The following VWDE variants were observed in gnomAD, a reference collection of about 807,000 sequenced individuals.
VWDE encodes von Willebrand factor D and EGF domain-containing protein.
Under a neutral mutation model 178.4 loss-of-function variants are expected in VWDE, and 207 were observed. The observed-to-expected ratio is 1.16, with a 90% CI of 1.04 to 1.30. The LOEUF (loss-of-function observed/expected upper bound fraction) is 1.30, where lower values mean the gene tolerates loss of function less well. Ranked by LOEUF, VWDE falls within the 50% of genes most tolerant of loss-of-function variation. The probability of loss-of-function intolerance (pLI) is 0.00; values close to 1 mark genes in which losing one functional copy is unlikely to be tolerated. For missense variants in VWDE, 2,287 were observed against 1,901.3 expected (o/e 1.20, Z -3.77); for synonymous variants, 738 against 651.4 (o/e 1.13, Z -2.02).
In VWDE at chr7:12,370,783, C is replaced by CTGT. The variant is rs748993987; in HGVS notation, c.1668_1669insACA (p.Val556_Asp557insThr). On this transcript the variant is annotated inframe_insertion, in exon 11 of 29. Coordinates refer to ENST00000275358, the MANE Select transcript of VWDE (RefSeq NM_001135924.3). ...CAAAGTCCCAGAGTGTTTCTGTAAT[C>CTGT]TACACTAGGGGCTCTGATCGTTAGA... 1.9e-6 allele frequency: 3 copies of CTGT among 1,551,166 alleles called. No homozygotes were observed. The South Asian group carries it at 3.6e-5, about 18-fold the overall frequency.
chr7:12,336,158 C>T lies in VWDE; in HGVS notation c.4637G>A (p.Gly1546Glu). The T allele has an allele frequency of 6.4e-7, 1 of 1,551,122 alleles. No individual in the cohort carries two copies. The highest frequency in any genetic ancestry group is 8.7e-7 in the Non-Finnish European group (1 of 1,146,822). ...GGGCTTACGTATTTGACACCGCACTCCTTCCCAGGAGGAAGGACAATGGCA... is the reference window on the plus strand; with the variant it reads ...GGGCTTACGTATTTGACACCGCACTTCTTCCCAGGAGGAAGGACAATGGCA... The part of the protein sequence containing the change: ...SICHCPSSWE[G>E]VRCQIPICNP... Residue 1546 changes from glycine to glutamate, a missense_variant, in exon 27 of 29, where the codon GGA becomes GAA. By Grantham distance (98) the Gly-to-Glu change is moderately conservative. Transcript: ENST00000275358.
Position 12,356,207 on chromosome 7 carries a change from C to T in VWDE, c.3649G>A (p.Val1217Met), listed in dbSNP as rs1273788840. The T allele has an allele frequency of 1.9e-6, 3 of 1,551,584 alleles. No individual in the cohort carries two copies. The highest frequency in any genetic ancestry group is 2.6e-6 in the Non-Finnish European group (3 of 1,146,950). ...LPGFHGSLCE[V>M]DISGCQSNPC... ...TTGGATTGGCACCCACTAATGTCCA[C>T]TTCACAAAGGCTGCCATGGAAGCCA... The change falls in exon 18 of 29, where the codon GTG (valine) becomes ATG (methionine). Residue 1217 changes from valine to methionine, a missense_variant. Transcript: ENST00000275358.
rs558322127 is a variant in VWDE, at chr7:12,379,283, T to G, written c.879+194A>C. 4.6e-5 allele frequency among the ~76,000 whole-genome samples: 7 copies of G among 151,260 alleles called. No individual in the cohort carries two copies. The East Asian group carries it at 1.4e-3, about 29-fold the overall frequency. On this transcript the variant is annotated intron_variant, in intron 6 of 28. Coordinates refer to ENST00000275358, the MANE Select transcript of VWDE (RefSeq NM_001135924.3). ...TAAAAAATGAAGGTACATCTCAACT[T>G]TAGTTAACAAGACCCCTCAAACTTT... is the stretch of plus-strand genomic sequence containing the variant.
chr7:12,343,278 A>C (rs1017864952), intron 21 of VWDE, 100 bp from the exon 22 acceptor site: 41 of 777,752 alleles, frequency 5.3e-5, no homozygotes, highest in Middle Eastern at 5.8e-4. Flanking sequence ...TGTAAGAGTA[A>C]TTTATAATAC....
chr7:12,335,320 G>T (rs1008195452), intron 27 of VWDE, among the ~76,000 whole-genome samples: 40 of 151,890 alleles, frequency 2.6e-4, no homozygotes, highest in African/African-American at 9.4e-4. Flanking sequence ...CATGAAATTT[G>T]ATCTTCCTCT....
At chr7:12,397,796 C>G (rs1161825246) in intron 1 of VWDE, among the ~76,000 whole-genome samples, 3 of 152,004 alleles carry the variant, frequency 2.0e-5, no homozygotes, top group Non-Finnish European at 4.4e-5. Flanking sequence ...AAATGGCCAA[C>G]AAACATGAGA....
intron 18 of VWDE, among the ~76,000 whole-genome samples, chr7:12,352,194 A>G (rs1781980497): frequency 6.6e-6 from 1 of 152,206 alleles, no homozygotes; most frequent in African/African-American, 2.4e-5. Flanking sequence ...TCAATCTGTT[A>G]TAGCAGCCCA....
intron 11 of VWDE, 23 bp downstream of exon 11, chr7:12,370,633 C>A: frequency 6.5e-7 from 1 of 1,546,772 alleles, no homozygotes. Context: ...AATATAATCG[C>A]AAGTGGAAAA....
At chr7:12,374,302 A>T (rs1190483437) in intron 9 of VWDE, among the ~76,000 whole-genome samples, 2 of 152,076 alleles carry the variant, frequency 1.3e-5, no homozygotes, top group Non-Finnish European at 2.9e-5. Context: ...TTAGTTTTAA[A>T]AATAATTCTA....
chr7:12,359,708 T>A lies in VWDE; in HGVS notation c.3160-16A>T. 2 of 1,490,972 alleles carry A rather than the reference T, an allele frequency of 1.3e-6. No homozygotes were observed. The highest frequency in any genetic ancestry group is 1.8e-6 in the Non-Finnish European group (2 of 1,104,108). 92.4% of individuals were successfully genotyped at this position (1,490,972 alleles called of 1,614,324 possible). On this transcript the variant is annotated splice_polypyrimidine_tract_variant and intron_variant, in intron 15 of 28. Transcript: ENST00000275358. ...AAACATTTTCCTAATGGAAAATTTT[T>A]AAAAAAGAAAACATCAAAGTACAGC...
intron 13 of VWDE, among the ~76,000 whole-genome samples, chr7:12,365,067 G>C (rs879904504): frequency 6.6e-6 from 1 of 151,940 alleles, no homozygotes; most frequent in African/African-American, 2.4e-5. Context: ...GAAAGATGGA[G>C]CACCGTCACA....
intron 15 of VWDE, among the ~76,000 whole-genome samples, chr7:12,359,998 C>G (rs1471328182): frequency 6.6e-6 from 1 of 152,042 alleles, no homozygotes; most frequent in Non-Finnish European, 1.5e-5. Flanking sequence ...CTAAACTCAT[C>G]CTAGGAGTGC....
intron 2 of VWDE, among the ~76,000 whole-genome samples, chr7:12,392,854 T>G (rs1784450817): frequency 6.6e-6 from 1 of 151,006 alleles, no homozygotes; most frequent in African/African-American, 2.4e-5. Context: ...TACAAAACCT[T>G]TTTAATTTTG....
intron 13 of VWDE, 63 bp from the exon 14 acceptor site, chr7:12,361,584 T>C: frequency 7.1e-7 from 1 of 1,399,182 alleles, no homozygotes; most frequent in Non-Finnish European, 9.5e-7. Context: ...TGTTAGTAAA[T>C]TACATATAAT....
At chr7:12,372,116 T>C (rs1783239205) in intron 10 of VWDE, among the ~76,000 whole-genome samples, 1 of 152,118 alleles carries the variant, frequency 6.6e-6, no homozygotes, top group South Asian at 2.1e-4. Context: ...AGGTTAAAGT[T>C]TTCATATTTT....
intron 4 of VWDE, among the ~76,000 whole-genome samples, chr7:12,381,615 A>C (rs967510765): frequency 1.3e-5 from 2 of 152,046 alleles, no homozygotes; most frequent in Non-Finnish European, 2.9e-5. Context: ...TTATAGTCCC[A>C]ATGACAAATG....
chr7:12,370,968 A>G, intron 10 of VWDE, 104 bp from the exon 11 acceptor site: 1 of 878,990 alleles, frequency 1.1e-6, no homozygotes, highest in Non-Finnish European at 1.6e-6. Context: ...TTATTCCCTC[A>G]ATATAAAAAA....
At chr7:12,391,254 T>C (rs1784377454) in intron 2 of VWDE, among the ~76,000 whole-genome samples, 1 of 152,214 alleles carries the variant, frequency 6.6e-6, no homozygotes, top group African/African-American at 2.4e-5. Flanking sequence ...TTTCCTAAGC[T>C]TTATGTAATG....
Position 12,393,798 on chromosome 7 carries a change from G to A in VWDE, c.59-20C>T. 1 of 1,512,984 alleles carries A rather than the reference G, an allele frequency of 6.6e-7. No homozygotes were observed. The highest frequency in any genetic ancestry group is 8.9e-7 in the Non-Finnish European group (1 of 1,129,424). The allele number at this position is 1,512,984 out of a possible 1,614,324, so 93.7% of individuals were successfully genotyped here. Reference sequence around the variant, plus strand: ...CCTGAGCTAGTATGGAAAGACAGGTGTTTTTATGTAATGTGTTTTGTTTGT... The same window carrying A: ...CCTGAGCTAGTATGGAAAGACAGGTATTTTTATGTAATGTGTTTTGTTTGT... On this transcript the variant is annotated intron_variant, in intron 1 of 28. Transcript: ENST00000275358.
Sources: gnomAD v4.1 joint callset for allele counts (sites outside exome capture counted in the v4.1 genomes callset) on GRCh38, gnomAD v4.1.1 for gene constraint, MANE v1.5 for transcripts, NCBI Gene and HGNC (gene_info 2026-07-23, HGNC 2026-07-21) for gene names.